Variants in TOX3 observed in about 807,000 individuals in gnomAD.
TOX3 encodes TOX high mobility group box family member 3, also known as CAG trinucleotide repeat-containing gene F9 protein.
A neutral mutation model predicts 64.3 loss-of-function variants in TOX3; 22 were observed. The ratio of observed to expected loss-of-function variants is 0.34; its 90% confidence interval spans 0.24 to 0.49. The LOEUF is 0.49. Ranked by LOEUF, TOX3 falls within the 20% of genes least tolerant of loss-of-function variation. TOX3 has a pLI of 0.99. For missense variants in TOX3, 661 were observed against 714.4 expected, an observed-to-expected ratio of 0.93 and a Z score of 0.85; for synonymous variants, 291 against 273.6, an observed-to-expected ratio of 1.06 and a Z score of -0.63.
chr16:52,442,899 C>A (rs781765771), intron 6 of TOX3, among the ~76,000 whole-genome samples: 23 of 152,046 alleles, frequency 1.5e-4, no homozygotes, highest in Admixed American at 1.2e-3. Flanking sequence ...GGAAGTATTT[C>A]TGAATCCTGA....
At position 52,446,126 on chromosome 16, in the gene TOX3, T is replaced by A. The variant is rs1173755446; in HGVS notation, c.774A>T (p.Pro258=). Residue 258 remains proline (P), a synonymous_variant, in exon 5 of 7, where the codon CCA becomes CCT. Coordinates refer to ENST00000219746, the MANE Select transcript of TOX3 (RefSeq NM_001080430.4). ...TGAAAAACAGGGCATATGCTGACAC[T>A]GGCTTCTGTGGCTCATTGGGATCTT... ...KKKDPNEPQK[P]VSAYALFFRD... 6.2e-7 allele frequency: 1 copy of A among 1,614,016 alleles called. No individual in the cohort carries two copies. Among genetic ancestry groups the A allele is most frequent in the Admixed American group, 1.7e-5 (1 of 60,020 alleles).
Position 52,442,567 on chromosome 16 carries a change from T to C in TOX3, c.987+1709A>G, listed in dbSNP as rs879636382. 3.9e-5 allele frequency among the ~76,000 whole-genome samples: 6 copies of C among 152,236 alleles called. No individual in the cohort carries two copies. In the East Asian group the frequency reaches 9.6e-4, roughly 24 times the overall value. On this transcript the variant is annotated intron_variant, in intron 6 of 6. Coordinates refer to ENST00000219746, the MANE Select transcript of TOX3 (RefSeq NM_001080430.4). Reference sequence around the variant, plus strand: ...AGACATCAATTGATTGTCATCTCTCTTTAAACTGTGGGATCCAAAACAGAA... The same window carrying C: ...AGACATCAATTGATTGTCATCTCTCCTTAAACTGTGGGATCCAAAACAGAA...
At chr16:52,545,462 G>C (rs1397701542) in intron 1 of TOX3, among the ~76,000 whole-genome samples, 1 of 152,170 alleles carries the variant, frequency 6.6e-6, no homozygotes, top group African/African-American at 2.4e-5. Flanking sequence ...CATCAGCCAC[G>C]GGGCACAGCA....
At chr16:52,518,472 T>C (rs1387778413) in intron 1 of TOX3, among the ~76,000 whole-genome samples, 1 of 152,222 alleles carries the variant, frequency 6.6e-6, no homozygotes, top group Non-Finnish European at 1.5e-5. Context: ...ACCATCAACC[T>C]TGAATTAAAA....
chr16:52,452,311 C>T (rs1320848943), intron 3 of TOX3, among the ~76,000 whole-genome samples: 2 of 152,118 alleles, frequency 1.3e-5, no homozygotes, highest in African/African-American at 4.8e-5. Context: ...TTGTTCAATT[C>T]CCACCTATGA....
At chr16:52,447,830 A>G (rs1274707057) in intron 4 of TOX3, among the ~76,000 whole-genome samples, 2 of 152,228 alleles carry the variant, frequency 1.3e-5, no homozygotes, top group Non-Finnish European at 2.9e-5. Flanking sequence ...AAGAAAAACT[A>G]TATACAGACA....
intron 1 of TOX3, among the ~76,000 whole-genome samples, chr16:52,476,570 C>T (rs529708615): frequency 8.6e-5 from 13 of 151,510 alleles, no homozygotes; most frequent in South Asian, 2.1e-4. Context: ...CACCAATATT[C>T]GGAGAACAGG....
At position 52,451,350 on chromosome 16, in the gene TOX3, A is replaced by C. The variant is rs74448428; in HGVS notation, c.409-804T>G. Among the ~76,000 whole-genome samples the C allele has an allele frequency of 3.8e-3, 576 of 152,338 alleles. 4 individuals carry two copies. Among genetic ancestry groups the C allele is most frequent in the African/African-American group, 0.013 (550 of 41,570 alleles). On this transcript the variant is annotated intron_variant, in intron 3 of 6. Transcript: ENST00000219746. ...AAAAAAAGATGGTAGAAACCATCAG[A>C]AATAGCTTTTTCTGAAACTTATTGC...
At chr16:52,520,319 A>G (rs1484713442) in intron 1 of TOX3, among the ~76,000 whole-genome samples, 1 of 152,228 alleles carries the variant, frequency 6.6e-6, no homozygotes, top group Non-Finnish European at 1.5e-5. Flanking sequence ...CAGCCTGGCC[A>G]AGACTAGCAC....
At chr16:52,502,265 C>A (rs560301369) in intron 1 of TOX3, among the ~76,000 whole-genome samples, 1 of 152,266 alleles carries the variant, frequency 6.6e-6, no homozygotes, top group East Asian at 1.9e-4. Flanking sequence ...GAAAATCTAA[C>A]ATGGATGGAA....
chr16:52,482,139 A>T (rs541616519), intron 1 of TOX3, among the ~76,000 whole-genome samples: 8 of 152,232 alleles, frequency 5.3e-5, no homozygotes, highest in Non-Finnish European at 1.0e-4. Flanking sequence ...GCTGGCTTTC[A>T]TCTTGAAGAC....
chr16:52,519,712 C>G, intron 1 of TOX3: 1 of 739,640 alleles, frequency 1.4e-6, no homozygotes, highest in Non-Finnish European at 1.9e-6. Context: ...AATCCCAGCA[C>G]TTTGGGAGGC....
At chr16:52,524,206 A>G (rs1962673770) in intron 1 of TOX3, among the ~76,000 whole-genome samples, 1 of 152,200 alleles carries the variant, frequency 6.6e-6, no homozygotes, top group Non-Finnish European at 1.5e-5. Flanking sequence ...AGTATTAAAA[A>G]CATTATCTTG....
At chr16:52,509,726 A>G (rs1238290869) in intron 1 of TOX3, among the ~76,000 whole-genome samples, 1 of 152,218 alleles carries the variant, frequency 6.6e-6, no homozygotes, top group African/African-American at 2.4e-5. Context: ...GTGCACACAC[A>G]AACAGGCATA....
chr16:52,450,958 G>A (rs762431354), intron 3 of TOX3, among the ~76,000 whole-genome samples: 9 of 152,272 alleles, frequency 5.9e-5, no homozygotes, highest in South Asian at 2.1e-4. Context: ...AGCAGAGACC[G>A]CACCCATTTA....
At chr16:52,512,182 A>G (rs1405028011) in intron 1 of TOX3, among the ~76,000 whole-genome samples, 1 of 152,232 alleles carries the variant, frequency 6.6e-6, no homozygotes, top group African/African-American at 2.4e-5. Flanking sequence ...AAATCAGGAC[A>G]TATTCTGGTA....
chr16:52,489,182 C>T (rs572348480), intron 1 of TOX3, among the ~76,000 whole-genome samples: 1 of 152,244 alleles, frequency 6.6e-6, no homozygotes, highest in East Asian at 1.9e-4. Context: ...TTTGATTCTT[C>T]ATCTTTTCCC....
intron 1 of TOX3, among the ~76,000 whole-genome samples, chr16:52,490,935 G>A (rs1412797881): frequency 6.6e-6 from 1 of 152,034 alleles, no homozygotes; most frequent in Non-Finnish European, 1.5e-5. Flanking sequence ...GGCCTAAGAT[G>A]TGATTTTTAA....
At position 52,439,468 on chromosome 16, in the gene TOX3, A is replaced by G; in HGVS notation, c.1488T>C (p.His496=). The G allele has an allele frequency of 3.5e-6, 5 of 1,442,012 alleles. No homozygotes were observed. The highest frequency in any genetic ancestry group is 1.4e-5 in the African/African-American group (1 of 70,452). The allele number at this position is 1,442,012 out of a possible 1,614,324, so 89.3% of individuals were successfully genotyped here. ...MQQHLQQQQQ[H]LQQQINQQQL... is the part of the protein sequence containing the mutation. ...GCTGTTGATTAATTTGCTGCTGGAG[A>G]TGCTGCTGCTGCTGCTGCAGGTGCT... Residue 496 remains histidine (H), a synonymous_variant, in exon 7 of 7, where the codon CAT becomes CAC. Coordinates refer to ENST00000219746, the MANE Select transcript of TOX3 (RefSeq NM_001080430.4).
Sources: allele counts gnomAD v4.1 joint callset (sites outside exome capture counted in the v4.1 genomes callset), GRCh38; gene constraint gnomAD v4.1.1; transcripts MANE v1.5; gene names NCBI Gene and HGNC (gene_info 2026-07-23, HGNC 2026-07-21).